Variants in LIPH observed in about 807,000 individuals in gnomAD.
LIPH encodes lipase H.
Under a neutral mutation model 47.6 loss-of-function variants are expected in LIPH, and 32 were observed. The observed-to-expected ratio is 0.67, with a 90% CI of 0.51 to 0.90. The LOEUF is 0.90. LIPH is among the 40% of genes least tolerant of loss of function. The pLI is 0.00. For missense variants in LIPH, 497 were observed against 541.4 expected, an observed-to-expected ratio of 0.92 and a Z score of 0.81; for synonymous variants, 190 against 195.6, an observed-to-expected ratio of 0.97 and a Z score of 0.24.
At chr3:185,528,001 G>T (rs1409927720) in intron 3 of LIPH, among the ~76,000 whole-genome samples, 1 of 151,730 alleles carries the variant, frequency 6.6e-6, no homozygotes, top group African/African-American at 2.4e-5. Context: ...GAGGCAGGCA[G>T]ATCATGAGGT....
In LIPH at chr3:185,508,816, T is replaced by A. The variant is rs1427644457; in HGVS notation, c.1330A>T (p.Ile444Phe). 1 of 1,613,952 alleles carries A rather than the reference T, an allele frequency of 6.2e-7. No homozygotes were observed. Among genetic ancestry groups the A allele is most frequent in the Non-Finnish European group, 8.5e-7 (1 of 1,179,802 alleles). The change falls in exon 10 of 10, where the codon ATT becomes TTT. Residue 444 changes from isoleucine (I) to phenylalanine (F), a missense_variant. Physicochemically the swap from Ile to Phe is conservative, Grantham distance 21. Coordinates refer to ENST00000296252, the MANE Select transcript of LIPH (RefSeq NM_139248.3). The part of the protein sequence containing the change: ...MENVETVFQP[I>F]LCPELQL ...TACAACTGCAACTCTGGGCAAAGAA[T>A]AGGTTGGAAGACTGTTTCAACGTTT... is the stretch of plus-strand genomic sequence containing the variant.
At chr3:185,541,901 C>T (rs549751084) in intron 1 of LIPH, among the ~76,000 whole-genome samples, 42 of 151,502 alleles carry the variant, frequency 2.8e-4, no homozygotes, top group African/African-American at 8.0e-4. Context: ...GGATTACAGA[C>T]GTGCGCCACC....
At chr3:185,528,160 G>T (rs979751421) in intron 3 of LIPH, among the ~76,000 whole-genome samples, 33 of 151,348 alleles carry the variant, frequency 2.2e-4, no homozygotes, top group Non-Finnish European at 3.8e-4. Context: ...GGAGGCAGAG[G>T]TTACAGTGAG....
chr3:185,536,149 T>C (rs1720497046), intron 1 of LIPH, among the ~76,000 whole-genome samples: 1 of 152,224 alleles, frequency 6.6e-6, no homozygotes, highest in Admixed American at 6.5e-5. Flanking sequence ...TATGTACATA[T>C]GTGTCTATCC....
Position 185,508,470 on chromosome 3 carries a change from G to T in LIPH, c.*320C>A, listed in dbSNP as rs530511882. Reference sequence around the variant, plus strand: ...TTGAAGATGCTTGACCCGCAGCCGCGATGGGCAGAACCACCCGCGTGACAG... The same window carrying T: ...TTGAAGATGCTTGACCCGCAGCCGCTATGGGCAGAACCACCCGCGTGACAG... On this transcript the variant is annotated 3_prime_UTR_variant, in exon 10 of 10. Transcript: ENST00000296252. 5.7e-6 allele frequency: 2 copies of T among 352,656 alleles called. No individual in the cohort carries two copies. The highest frequency in any genetic ancestry group is 1.1e-5 in the Non-Finnish European group (2 of 185,350). 21.8% of individuals were successfully genotyped at this position (352,656 alleles called of 1,614,324 possible).
chr3:185,534,072 A>C (rs1053424563), intron 2 of LIPH, among the ~76,000 whole-genome samples: 2 of 151,990 alleles, frequency 1.3e-5, no homozygotes, highest in Non-Finnish European at 2.9e-5. Context: ...AAAAATACAA[A>C]ATTAGCCGGG....
chr3:185,527,635 C>T, intron 3 of LIPH, 50 bp from the exon 4 acceptor site: 1 of 1,201,882 alleles, frequency 8.3e-7, no homozygotes, highest in Non-Finnish European at 1.2e-6. Flanking sequence ...GAGTCACCTG[C>T]AGCCGGGCCT....
chr3:185,525,515 C>T (rs922788945), intron 4 of LIPH, among the ~76,000 whole-genome samples: 14 of 152,062 alleles, frequency 9.2e-5, no homozygotes, highest in African/African-American at 2.4e-4. Context: ...TGGTGGCTCA[C>T]GCCTGTAATC....
chr3:185,520,871 T>TA (rs1719880456), intron 5 of LIPH, among the ~76,000 whole-genome samples: 1 of 41,052 alleles, frequency 2.4e-5, no homozygotes, highest in African/African-American at 1.2e-4. Flanking sequence ...CTAGCTTCTA[T>TA]CTTTTTTTTT....
intron 4 of LIPH, among the ~76,000 whole-genome samples, chr3:185,526,473 A>G (rs1401807385): frequency 2.0e-5 from 3 of 151,518 alleles, no homozygotes; most frequent in Non-Finnish European, 4.4e-5. Flanking sequence ...GCAAGCCAAG[A>G]TCACGCCACT....
intron 5 of LIPH, among the ~76,000 whole-genome samples, chr3:185,522,587 G>C (rs1363582847): frequency 6.8e-6 from 1 of 147,940 alleles, no homozygotes; most frequent in Non-Finnish European, 1.5e-5. Flanking sequence ...AGGAAGCAAG[G>C]AGAGAGAAAA....
chr3:185,514,547 AAG>A (rs1560156166), intron 7 of LIPH, 26 bp from the exon 8 acceptor site: 4 of 884,542 alleles, frequency 4.5e-6, no homozygotes, highest in Non-Finnish European at 7.8e-6. Flanking sequence ...AGAACACGGT[AAG>A]AGAGAGATAC....
chr3:185,550,939 C>T (rs957337854), intron 1 of LIPH, among the ~76,000 whole-genome samples: 8 of 152,088 alleles, frequency 5.3e-5, no homozygotes, highest in Admixed American at 3.3e-4. Context: ...TAATCCCAGA[C>T]TTTGGAAGGC....
chr3:185,533,543 C>T (rs908035917), intron 3 of LIPH, 28 bp downstream of exon 3: 3 of 1,478,332 alleles, frequency 2.0e-6, no homozygotes, highest in Non-Finnish European at 2.8e-6. Flanking sequence ...CCCAGGCTAC[C>T]AACCCATGCC....
At chr3:185,519,077 T>C (rs1719818606) in intron 6 of LIPH, 65 bp downstream of exon 6, 1 of 1,371,146 alleles carries the variant, frequency 7.3e-7, no homozygotes, top group Non-Finnish European at 1.0e-6. Flanking sequence ...GATAAAGTGG[T>C]TCTGGGATTC....
chr3:185,524,695 C>T (rs927876965), intron 4 of LIPH, among the ~76,000 whole-genome samples: 1 of 152,072 alleles, frequency 6.6e-6, no homozygotes, highest in South Asian at 2.1e-4. Context: ...GCGATCTGCC[C>T]GCCTCGGCCT....
intron 5 of LIPH, 88 bp from the exon 6 acceptor site, chr3:185,519,397 C>T (rs1290082226): frequency 4.8e-6 from 4 of 829,762 alleles, no homozygotes; most frequent in Non-Finnish European, 4.3e-6. Context: ...CACAATTTCT[C>T]ATCTGGCCCT....
intron 7 of LIPH, 135 bp from the exon 8 acceptor site, chr3:185,514,656 CCAGGG>C: frequency 1.4e-6 from 1 of 691,184 alleles, no homozygotes; most frequent in Non-Finnish European, 2.7e-6. Flanking sequence ...CTGCAAAGAT[CCAGGG>C]CAGAAGTTTC....
intron 6 of LIPH, among the ~76,000 whole-genome samples, chr3:185,518,297 G>A (rs1242194822): frequency 6.6e-6 from 1 of 151,192 alleles, no homozygotes; most frequent in Non-Finnish European, 1.5e-5. Flanking sequence ...TTTGCTTTTT[G>A]AGACGGAGTT....
Sources: allele counts gnomAD v4.1 joint callset (sites outside exome capture counted in the v4.1 genomes callset), GRCh38; gene constraint gnomAD v4.1.1; transcripts MANE v1.5; gene names NCBI Gene and HGNC (gene_info 2026-07-23, HGNC 2026-07-21).